Variants in KBTBD8 observed in about 807,000 individuals in gnomAD.
The protein encoded by KBTBD8 is kelch repeat and BTB domain containing 8, also known as kelch repeat and BTB domain-containing protein 8.
KBTBD8 carries 31 observed loss-of-function variants against 53.5 expected under a neutral mutation model. The observed-to-expected ratio is 0.58, with a 90% CI of 0.44 to 0.78. The LOEUF (loss-of-function observed/expected upper bound fraction) is 0.78. Ranked by LOEUF, KBTBD8 falls within the 30% of genes least tolerant of loss-of-function variation. KBTBD8 has a pLI of 0.00. For synonymous variants in KBTBD8, 250 were observed against 247.3 expected (o/e 1.01, Z -0.10); for missense variants, 642 against 735.8 (o/e 0.87, Z 1.48).
Position 67,004,201 on chromosome 3 carries a change from G to T in KBTBD8, c.1234G>T (p.Glu412Ter). 6.2e-7 allele frequency: 1 copy of T among 1,614,162 alleles called. No homozygotes were observed. Among genetic ancestry groups the T allele is most frequent in the Non-Finnish European group, 8.5e-7 (1 of 1,180,010 alleles). The change falls in exon 3 of 4, where the codon GAG becomes TAG. Residue 412 changes from glutamate (E) to a stop codon, truncating the protein, a stop_gained. Coordinates refer to ENST00000417314, the MANE Select transcript of KBTBD8 (RefSeq NM_032505.3). LOFTEE classifies it high-confidence loss of function. ...TGGGAGAAACTCACTAAAATCTGTT[G>T]AGTGCTACGACAGTAGAGAGAATTG... The part of the protein sequence containing the change: ...GDGRNSLKSV[E>*]CYDSRENCWT...
In KBTBD8 at chr3:67,008,570, G is replaced by GAA. The variant is rs1165373594; in HGVS notation, c.*188_*189dup. The GAA allele has an allele frequency of 1.9e-6, 1 of 516,538 alleles. No homozygotes were observed. Among genetic ancestry groups the GAA allele is most frequent in the Non-Finnish European group, 3.4e-6 (1 of 293,188 alleles). 32.0% of individuals were successfully genotyped at this position (516,538 alleles called of 1,614,324 possible). On this transcript the variant is annotated 3_prime_UTR_variant, in exon 4 of 4. Coordinates refer to ENST00000417314, the MANE Select transcript of KBTBD8 (RefSeq NM_032505.3). ...CCTTGTGACATTTCATTTCAGTAAG[G>GAA]AAAAGATAACAAAGTGCAATTATCA...
Position 67,003,899 on chromosome 3 carries a change from C to T in KBTBD8, c.932C>T (p.Thr311Ile), listed in dbSNP as rs1250473709. Reference sequence around the variant, plus strand: ...ACAGTGCCTTGTCTAGATATAGTCACAGGAAGGGTGTTTAAACTATGCAAA... The same window carrying T: ...ACAGTGCCTTGTCTAGATATAGTCATAGGAAGGGTGTTTAAACTATGCAAA... ...KQTVPCLDIV[T>I]GRVFKLCKPP... is the part of the protein sequence containing the mutation. The change falls in exon 3 of 4, where the codon ACA becomes ATA. Residue 311 changes from threonine (T) to isoleucine (I), a missense_variant. Physicochemically the swap from Thr to Ile is moderately conservative, Grantham distance 89 (BLOSUM62 -1). Transcript: ENST00000417314. 9.9e-6 allele frequency: 16 copies of T among 1,614,034 alleles called. No individual in the cohort carries two copies. The highest frequency in any genetic ancestry group is 1.3e-5 in the Non-Finnish European group (15 of 1,180,034).
intron 2 of KBTBD8, among the ~76,000 whole-genome samples, chr3:67,002,298 T>C (rs1222962577): frequency 6.6e-6 from 1 of 152,156 alleles, no homozygotes; most frequent in African/African-American, 2.4e-5. Flanking sequence ...ATATTACTTA[T>C]AATGGTTAAG....
chr3:67,010,434 G>C lies in KBTBD8; in HGVS notation c.*2049G>C, dbSNP rs767736425. On this transcript the variant is annotated 3_prime_UTR_variant, in exon 4 of 4. Transcript: ENST00000417314. The stretch of plus-strand genomic sequence containing the variant: ...TACATGGGCTGTATGTTATATAAGA[G>C]AATGACATACTGTGGCTAATTCAAC... The C allele has an allele frequency of 6.6e-6, 1 of 152,528 alleles. No individual in the cohort carries two copies. Among genetic ancestry groups the C allele is most frequent in the Admixed American group, 6.5e-5 (1 of 15,276 alleles). The allele number at this position is 152,528 out of a possible 1,614,324, so 9.4% of individuals were successfully genotyped here.
rs758764395 is a variant in KBTBD8, at chr3:66,999,127, G to C, written c.163G>C (p.Val55Leu). 6.2e-7 allele frequency: 1 copy of C among 1,614,194 alleles called. No homozygotes were observed. Among genetic ancestry groups the C allele is most frequent in the Non-Finnish European group, 8.5e-7 (1 of 1,180,020 alleles). Residue 55 changes from valine (V) to leucine (L), a missense_variant, in exon 2 of 4, where the codon GTG (valine) becomes CTG (leucine). By Grantham distance (32) the Val-to-Leu change is conservative (BLOSUM62 1). Coordinates refer to ENST00000417314, the MANE Select transcript of KBTBD8 (RefSeq NM_032505.3). ...EGQLTDIVVE[V>L]DHGKTFSCHR... is the part of the protein sequence containing the mutation. ...ACAGTTGACAGACATTGTAGTGGAA[G>C]TGGATCACGGGAAAACATTTTCCTG... is the stretch of plus-strand genomic sequence containing the variant.
At position 67,008,001 on chromosome 3, in the gene KBTBD8, C is replaced by T. The variant is rs528208017; in HGVS notation, c.1422C>T (p.Gly474=). Residue 474 remains glycine (G), a synonymous_variant, in exon 4 of 4, where the codon GGC becomes GGT. Coordinates refer to ENST00000417314, the MANE Select transcript of KBTBD8 (RefSeq NM_032505.3). ...CCATGACTGTGCCTAGAATCCAGGG[C>T]TTAGCAGCTGTATACAAGGACTCTA... ...LTPMTVPRIQ[G]LAAVYKDSIY... 8.5e-5 allele frequency: 137 copies of T among 1,613,052 alleles called. 2 individuals are homozygous for T. In the South Asian group the frequency reaches 1.5e-3, roughly 17 times the overall value.
Position 67,010,805 on chromosome 3 carries a change from G to T in KBTBD8, c.*2420G>T, listed in dbSNP as rs548653882. ...AAAATGTAGGTCTAACATAATGCCA[G>T]TTCCACTTTAACTTTGTTTTTGCAT... On this transcript the variant is annotated 3_prime_UTR_variant, in exon 4 of 4. Transcript: ENST00000417314. 6.5e-6 allele frequency: 1 copy of T among 152,742 alleles called. No homozygotes were observed. Among genetic ancestry groups the T allele is most frequent in the South Asian group, 2.1e-4 (1 of 4,830 alleles). The allele number at this position is 152,742 out of a possible 1,614,324, so 9.5% of individuals were successfully genotyped here. A position where few individuals can be genotyped will look rare whatever the true frequency, so the allele number is the denominator to read the frequency against.
intron 2 of KBTBD8, among the ~76,000 whole-genome samples, chr3:67,001,645 G>A (rs1380286438): frequency 1.3e-5 from 2 of 152,070 alleles, no homozygotes; most frequent in Non-Finnish European, 2.9e-5. Context: ...GAGTCTTTCA[G>A]CACCTGAATT....
chr3:67,006,809 A>G (rs756622922), intron 3 of KBTBD8, among the ~76,000 whole-genome samples: 2 of 152,234 alleles, frequency 1.3e-5, no homozygotes, highest in Non-Finnish European at 2.9e-5. Context: ...ATGTTGTACT[A>G]TCTGTGGCTA....
intron 2 of KBTBD8, among the ~76,000 whole-genome samples, chr3:67,001,799 A>G (rs956073522): frequency 6.6e-6 from 1 of 152,350 alleles, no homozygotes; most frequent in South Asian, 2.1e-4. Flanking sequence ...TTGTACCTCC[A>G]GTGTTTCTCA....
At position 67,001,350 on chromosome 3, in the gene KBTBD8, T is replaced by G. The variant is rs904839516; in HGVS notation, c.228-1845T>G. 2.0e-5 allele frequency among the ~76,000 whole-genome samples: 3 copies of G among 152,210 alleles called. No homozygotes were observed. In the South Asian group the frequency reaches 6.2e-4, roughly 32 times the overall value. ...TGGAATGGCTGTTTCATGATACCAG[T>G]AACTCATCAGAATTGAAATTTGTAT... On this transcript the variant is annotated intron_variant, in intron 2 of 3. Coordinates refer to ENST00000417314, the MANE Select transcript of KBTBD8 (RefSeq NM_032505.3).
intron 2 of KBTBD8, among the ~76,000 whole-genome samples, chr3:67,002,962 T>C (rs1702030405): frequency 6.6e-6 from 1 of 152,176 alleles, no homozygotes; most frequent in Admixed American, 6.5e-5. Context: ...TCTCCTTTTT[T>C]CATAGTTGGC....
chr3:67,003,427 G>A lies in KBTBD8; in HGVS notation c.460G>A (p.Gly154Arg). The A allele has an allele frequency of 6.2e-7, 1 of 1,614,050 alleles. No homozygotes were observed. The highest frequency in any genetic ancestry group is 8.5e-7 in the Non-Finnish European group (1 of 1,179,968). The change falls in exon 3 of 4, where the codon GGG becomes AGG. Residue 154 changes from glycine (G) to arginine (R), a missense_variant. Physicochemically the swap from Gly to Arg is moderately radical, Grantham distance 125. Transcript: ENST00000417314. ...ISHLDPQNSI[G>R]VFIFADHYGH... ...TCATTTGGACCCACAGAATTCTATT[G>A]GGGTCTTTATCTTTGCTGATCATTA...
chr3:67,008,553 C>T lies in KBTBD8; in HGVS notation c.*168C>T. 5.7e-6 allele frequency: 3 copies of T among 524,096 alleles called. No homozygotes were observed. The highest frequency in any genetic ancestry group is 1.0e-5 in the Non-Finnish European group (3 of 298,158). 32.5% of individuals were successfully genotyped at this position (524,096 alleles called of 1,614,324 possible). On this transcript the variant is annotated 3_prime_UTR_variant, in exon 4 of 4. Transcript: ENST00000417314. ...GAGGGATTTTCCTTCATCCTTGTGA[C>T]ATTTCATTTCAGTAAGGAAAAGATA...
At chr3:67,004,413 C>T in intron 3 of KBTBD8, 104 bp downstream of exon 3, 5 of 1,014,216 alleles carry the variant, frequency 4.9e-6, no homozygotes, top group Admixed American at 2.1e-5. Flanking sequence ...TGAGGAATAC[C>T]TCCAGCTTCC....
Position 67,007,691 on chromosome 3 carries a change from A to C in KBTBD8, c.1343-231A>C, listed in dbSNP as rs185565568. Among the ~76,000 whole-genome samples the C allele has an allele frequency of 5.3e-5, 8 of 152,168 alleles. No homozygotes were observed. The South Asian group carries it at 1.5e-3, about 28-fold the overall frequency. ...GTACCTTCCCAATACAAACCTCCCA[A>C]TTCAGGTTGATTATAATATTATCTG... is the stretch of plus-strand genomic sequence containing the variant. On this transcript the variant is annotated intron_variant, in intron 3 of 3. Coordinates refer to ENST00000417314, the MANE Select transcript of KBTBD8 (RefSeq NM_032505.3).
intron 3 of KBTBD8, among the ~76,000 whole-genome samples, chr3:67,007,464 G>A (rs1164093462): frequency 2.0e-5 from 3 of 151,838 alleles, no homozygotes; most frequent in African/African-American, 7.3e-5. Context: ...AATTACAGGT[G>A]CCTGCCACCA....
At chr3:66,998,426 C>CA in intron 1 of KBTBD8, 55 bp downstream of exon 1, 1 of 349,532 alleles carries the variant, frequency 2.9e-6, no homozygotes, top group Non-Finnish European at 4.5e-6. Flanking sequence ...GAAGGTGGGC[C>CA]GGGGCCGGCC....
At position 67,009,626 on chromosome 3, in the gene KBTBD8, G is replaced by A. The variant is rs371558949; in HGVS notation, c.*1241G>A. The A allele has an allele frequency of 3.9e-5, 6 of 152,526 alleles. No homozygotes were observed. The highest frequency in any genetic ancestry group is 1.4e-4 in the African/African-American group (6 of 41,520). The allele number at this position is 152,526 out of a possible 1,614,324, so 9.4% of individuals were successfully genotyped here. The stretch of plus-strand genomic sequence containing the variant: ...GTGATTGAAAAGGAAAAGAGTGAGT[G>A]AACAGAACCATAGCTTTCTAGGTAC... On this transcript the variant is annotated 3_prime_UTR_variant, in exon 4 of 4. Transcript: ENST00000417314.
Sources: allele counts gnomAD v4.1 joint callset (sites outside exome capture counted in the v4.1 genomes callset), GRCh38; gene constraint gnomAD v4.1.1; transcripts MANE v1.5; gene names NCBI Gene and HGNC (gene_info 2026-07-23, HGNC 2026-07-21).